Variants in NRG3 observed in about 807,000 individuals in gnomAD.
NRG3 encodes pro-neuregulin-3, membrane-bound isoform.
Under a neutral mutation model 66.9 loss-of-function variants are expected in NRG3, and 31 were observed. The observed-to-expected ratio is 0.46, with a 90% CI of 0.35 to 0.63. NRG3 has a LOEUF of 0.63. Ranked by LOEUF, NRG3 falls within the 20% of genes least tolerant of loss-of-function variation. The pLI, the probability that NRG3 is intolerant of heterozygous loss-of-function variation, is 0.00. For synonymous variants in NRG3, 393 were observed against 359.4 expected, an observed-to-expected ratio of 1.09 and a Z score of -1.06; for missense variants, 910 against 878.9, an observed-to-expected ratio of 1.04 and a Z score of -0.45.
intron 1 of NRG3, among the ~76,000 whole-genome samples, chr10:82,240,314 A>T (rs902893572): frequency 1.3e-5 from 2 of 152,240 alleles, no homozygotes; most frequent in African/African-American, 4.8e-5. Context: ...AATAAAAAAA[A>T]TCATTAACAG....
intron 1 of NRG3, among the ~76,000 whole-genome samples, chr10:82,132,334 G>A (rs566917565): frequency 6.7e-6 from 1 of 149,932 alleles, no homozygotes; most frequent in East Asian, 1.9e-4. Context: ...TGATGTTATC[G>A]TGTTGATTGA....
At chr10:82,789,513 A>G (rs145865294) in intron 3 of NRG3, among the ~76,000 whole-genome samples, 2 of 152,074 alleles carry the variant, frequency 1.3e-5, no homozygotes, top group Non-Finnish European at 2.9e-5. Context: ...ATTTTGGTTG[A>G]TGTTTGCATG....
chr10:82,971,706 G>T (rs977745891), intron 6 of NRG3, among the ~76,000 whole-genome samples: 2 of 151,890 alleles, frequency 1.3e-5, no homozygotes, highest in Non-Finnish European at 2.9e-5. Flanking sequence ...CAAAATTCTG[G>T]GATTACAGTC....
intron 2 of NRG3, among the ~76,000 whole-genome samples, chr10:82,592,719 T>A (rs2047052054): frequency 6.6e-6 from 1 of 152,188 alleles, no homozygotes. Context: ...TCTACCATGT[T>A]CAGCTGAGCT....
intron 3 of NRG3, among the ~76,000 whole-genome samples, chr10:82,848,978 T>A (rs948544428): frequency 4.6e-5 from 7 of 152,198 alleles, no homozygotes; most frequent in Non-Finnish European, 1.0e-4. Flanking sequence ...AATTACCCAG[T>A]CTCAGTTATA....
At chr10:82,913,414 G>C (rs924951354) in intron 4 of NRG3, among the ~76,000 whole-genome samples, 1 of 151,718 alleles carries the variant, frequency 6.6e-6, no homozygotes, top group African/African-American at 2.4e-5. Context: ...TCCCTAAGTA[G>C]GTCTGAGTTT....
At chr10:82,252,382 A>G (rs934224855) in intron 1 of NRG3, among the ~76,000 whole-genome samples, 3 of 152,276 alleles carry the variant, frequency 2.0e-5, no homozygotes, top group East Asian at 1.9e-4. Context: ...CAAATTTTCT[A>G]TGATATGGAT....
intron 2 of NRG3, among the ~76,000 whole-genome samples, chr10:82,462,045 C>T (rs1041898869): frequency 2.0e-5 from 3 of 152,064 alleles, no homozygotes; most frequent in Non-Finnish European, 4.4e-5. Context: ...GCAGGACAAT[C>T]GTTTGAACCC....
chr10:82,914,155 G>C (rs1361334996), intron 4 of NRG3, among the ~76,000 whole-genome samples: 1 of 150,482 alleles, frequency 6.6e-6, no homozygotes, highest in East Asian at 2.0e-4. Flanking sequence ...TTATTTCTTA[G>C]AATTTTTATC....
At chr10:81,909,571 C>T (rs749424326) in intron 1 of NRG3, among the ~76,000 whole-genome samples, 11 of 152,130 alleles carry the variant, frequency 7.2e-5, no homozygotes, top group Non-Finnish European at 1.6e-4. Context: ...CCAAAATTGG[C>T]TGCAAACCTG....
chr10:82,391,094 T>C (rs1443972016), intron 2 of NRG3, among the ~76,000 whole-genome samples: 2 of 152,212 alleles, frequency 1.3e-5, no homozygotes, highest in African/African-American at 2.4e-5. Context: ...GATTTTCCTT[T>C]CAAAAGCATT....
At chr10:82,295,555 G>A (rs10787027) in intron 1 of NRG3, among the ~76,000 whole-genome samples, 9 of 151,924 alleles carry the variant, frequency 5.9e-5, no homozygotes, top group East Asian at 1.9e-4. Context: ...CTTCCATACC[G>A]CTGGAGCTGG....
chr10:82,502,068 G>A (rs559800766), intron 2 of NRG3, among the ~76,000 whole-genome samples: 3 of 152,114 alleles, frequency 2.0e-5, no homozygotes, highest in Admixed American at 1.3e-4. Flanking sequence ...GCAGAGAGAG[G>A]GTTCATTTGA....
At chr10:82,876,008 G>A (rs1841787775) in intron 4 of NRG3, among the ~76,000 whole-genome samples, 1 of 152,190 alleles carries the variant, frequency 6.6e-6, no homozygotes, top group Non-Finnish European at 1.5e-5. Context: ...TATTGAAGAA[G>A]TATGCAGATC....
chr10:82,556,129 G>A (rs1340012302), intron 2 of NRG3, among the ~76,000 whole-genome samples: 1 of 152,004 alleles, frequency 6.6e-6, no homozygotes, highest in Admixed American at 6.6e-5. Flanking sequence ...CTGGTTTTTG[G>A]TTACATCTCA....
At position 82,429,419 on chromosome 10, in the gene NRG3, C is replaced by G. The variant is rs941319674; in HGVS notation, c.953+70551C>G. 3.9e-5 allele frequency among the ~76,000 whole-genome samples: 6 copies of G among 151,964 alleles called. No individual in the cohort carries two copies. The East Asian group carries it at 1.2e-3, about 29-fold the overall frequency. On this transcript the variant is annotated intron_variant, in intron 2 of 8. Coordinates refer to ENST00000372141, the MANE Select transcript of NRG3 (RefSeq NM_001010848.4). Reference sequence around the variant, plus strand: ...AAATATAGACTTTTTAGTTGGTAGTCTTTTTCTTTTGGTGCTTTGAATATG... The same window carrying G: ...AAATATAGACTTTTTAGTTGGTAGTGTTTTTCTTTTGGTGCTTTGAATATG...
chr10:82,005,897 T>TTGTGTGTG (rs58906037), intron 1 of NRG3, among the ~76,000 whole-genome samples: 88,872 of 148,624 alleles, frequency 0.6, 27,783 homozygotes, highest in Middle Eastern at 0.71. Context: ...AATGTGTATT[T>TTGTGTGTG]TGTGTGTGTG....
chr10:82,834,355 G>A (rs1195589953), intron 3 of NRG3, among the ~76,000 whole-genome samples: 2 of 152,126 alleles, frequency 1.3e-5, no homozygotes, highest in African/African-American at 4.8e-5. Context: ...CTAATACCGA[G>A]TCCTCTTCAT....
At chr10:82,480,777 A>G (rs919245170) in intron 2 of NRG3, among the ~76,000 whole-genome samples, 2 of 152,248 alleles carry the variant, frequency 1.3e-5, no homozygotes. Context: ...ACCCTGTTTC[A>G]TAGCTGCTTC....
Sources: allele counts gnomAD v4.1 joint callset (sites outside exome capture counted in the v4.1 genomes callset), GRCh38; gene constraint gnomAD v4.1.1; transcripts MANE v1.5; gene names NCBI Gene and HGNC (gene_info 2026-07-23, HGNC 2026-07-21).